MDGA2: variants seen among roughly 807,000 people sequenced by gnomAD.
The protein encoded by MDGA2 is MAM domain-containing glycosylphosphatidylinositol anchor protein 2.
Under a neutral mutation model 117.8 loss-of-function variants are expected in MDGA2, and 40 were observed. The observed-to-expected ratio is 0.34, with a 90% confidence interval of 0.26 to 0.44. The LOEUF (loss-of-function observed/expected upper bound fraction) is 0.44, where lower values mean the gene tolerates loss of function less well. MDGA2 is among the 20% of genes least tolerant of loss of function. The probability of loss-of-function intolerance (pLI) is 1.00; values close to 1 mark genes in which losing one functional copy is unlikely to be tolerated. For missense variants in MDGA2, 1,123 were observed against 1,250.6 expected (o/e 0.90, Z 1.54); for synonymous variants, 452 against 439.0 (o/e 1.03, Z -0.37).
At chr14:47,095,619 A>G (rs962119) in intron 6 of MDGA2, among the ~76,000 whole-genome samples, 58,633 of 151,502 alleles carry the variant, frequency 0.39, 11,650 homozygotes, top group East Asian at 0.55. Flanking sequence ...TAAAATAATC[A>G]TACATGTTAT....
chr14:46,846,897 A>T (rs367690806), intron 15 of MDGA2, among the ~76,000 whole-genome samples: 1 of 152,254 alleles, frequency 6.6e-6, no homozygotes, highest in East Asian at 1.9e-4. Context: ...TAACATTTCT[A>T]GACTTATGTC....
intron 5 of MDGA2, among the ~76,000 whole-genome samples, chr14:47,106,409 AG>A (rs1880679159): frequency 6.6e-6 from 1 of 151,982 alleles, no homozygotes; most frequent in African/African-American, 2.4e-5. Flanking sequence ...CCTGAACCGC[AG>A]CAGCCAGGCG....
chr14:46,883,657 T>A (rs906190602), intron 10 of MDGA2, among the ~76,000 whole-genome samples: 6 of 152,052 alleles, frequency 3.9e-5, no homozygotes, highest in African/African-American at 1.4e-4. Context: ...TCTCACTCTA[T>A]CCTTCCATAT....
intron 3 of MDGA2, among the ~76,000 whole-genome samples, chr14:47,188,749 T>G (rs1441281619): frequency 6.6e-6 from 1 of 152,104 alleles, no homozygotes; most frequent in Non-Finnish European, 1.5e-5. Context: ...TGAAACAGTC[T>G]TGACATATTC....
At chr14:47,588,490 G>A (rs1374168105) in intron 1 of MDGA2, among the ~76,000 whole-genome samples, 3 of 151,648 alleles carry the variant, frequency 2.0e-5, no homozygotes, top group Non-Finnish European at 4.4e-5. Flanking sequence ...CAATAATGTT[G>A]GATATCTTTC....
chr14:47,247,997 T>C (rs1887306714), intron 2 of MDGA2, among the ~76,000 whole-genome samples: 1 of 151,556 alleles, frequency 6.6e-6, no homozygotes, highest in African/African-American at 2.4e-5. Context: ...TATGGATGCA[T>C]AGTATTCCAT....
intron 1 of MDGA2, among the ~76,000 whole-genome samples, chr14:47,414,564 C>A (rs1035133870): frequency 1.2e-4 from 19 of 152,048 alleles, no homozygotes; most frequent in African/African-American, 4.3e-4. Context: ...TAAGCACTTG[C>A]TGATTAATTA....
chr14:47,060,829 A>G (rs1889855964), intron 7 of MDGA2, among the ~76,000 whole-genome samples: 1 of 151,806 alleles, frequency 6.6e-6, no homozygotes, highest in Admixed American at 6.6e-5. Context: ...GCATTTGAAC[A>G]CTCTTAAATT....
chr14:47,030,119 C>A (rs1282875188), intron 8 of MDGA2, among the ~76,000 whole-genome samples: 3 of 152,048 alleles, frequency 2.0e-5, no homozygotes, highest in African/African-American at 7.2e-5. Flanking sequence ...AGCCACCCCC[C>A]GCCCACATAT....
chr14:47,458,087 T>C (rs761222365), intron 1 of MDGA2, among the ~76,000 whole-genome samples: 11 of 152,048 alleles, frequency 7.2e-5, no homozygotes, highest in Non-Finnish European at 7.4e-5. Context: ...TTTGTAAGTC[T>C]TCTTTGAGAA....
intron 8 of MDGA2, among the ~76,000 whole-genome samples, chr14:47,024,535 C>A (rs1215499596): frequency 6.6e-6 from 1 of 152,048 alleles, no homozygotes; most frequent in Non-Finnish European, 1.5e-5. Flanking sequence ...AGTTTCCTCC[C>A]TTGATTAATT....
chr14:47,455,383 G>A (rs1436362210), intron 1 of MDGA2, among the ~76,000 whole-genome samples: 1 of 152,052 alleles, frequency 6.6e-6, no homozygotes, highest in Non-Finnish European at 1.5e-5. Flanking sequence ...GCACACGACT[G>A]TAATCCCAGC....
At chr14:47,055,203 T>C (rs960120842) in intron 7 of MDGA2, among the ~76,000 whole-genome samples, 13 of 152,020 alleles carry the variant, frequency 8.6e-5, no homozygotes, top group Admixed American at 5.9e-4. Flanking sequence ...AAGAATGTCT[T>C]TTGAAATTCT....
chr14:47,411,747 T>A (rs761839483), intron 1 of MDGA2, among the ~76,000 whole-genome samples: 19 of 152,164 alleles, frequency 1.2e-4, no homozygotes, highest in Non-Finnish European at 2.2e-4. Context: ...TCTACTGGTC[T>A]GTCAAATTCA....
chr14:47,079,394 C>G (rs73244994), intron 6 of MDGA2, among the ~76,000 whole-genome samples: 156 of 152,234 alleles, frequency 1.0e-3, no homozygotes, highest in African/African-American at 3.5e-3. Context: ...TTTTAGATAT[C>G]AGAAAAATTC....
chr14:47,045,046 T>G (rs1349525992), intron 7 of MDGA2, among the ~76,000 whole-genome samples: 1 of 152,154 alleles, frequency 6.6e-6, no homozygotes, highest in Non-Finnish European at 1.5e-5. Flanking sequence ...ACCCAGCAGG[T>G]GTTGCTATGG....
intron 2 of MDGA2, among the ~76,000 whole-genome samples, chr14:47,236,284 C>T (rs1386906548): frequency 8.8e-6 from 1 of 114,100 alleles, no homozygotes; most frequent in African/African-American, 3.5e-5. Flanking sequence ...GAGCGAGACT[C>T]CGCCTCAAAA....
At chr14:47,159,225 A>G (rs915351201) in intron 3 of MDGA2, among the ~76,000 whole-genome samples, 6 of 152,184 alleles carry the variant, frequency 3.9e-5, no homozygotes, top group Admixed American at 1.3e-4. Flanking sequence ...AGGTTCATCA[A>G]TTATAATCAG....
intron 7 of MDGA2, chr14:47,058,543 T>C: frequency 1.0e-6 from 1 of 984,744 alleles, no homozygotes; most frequent in Non-Finnish European, 1.2e-6. Context: ...CTATAGCTTA[T>C]TCATTTTCAC....
Sources: gnomAD v4.1 joint callset for allele counts (sites outside exome capture counted in the v4.1 genomes callset) on GRCh38, gnomAD v4.1.1 for gene constraint, MANE v1.5 for transcripts, NCBI Gene and HGNC (gene_info 2026-07-23, HGNC 2026-07-21) for gene names.